The following RSU1 variants were observed in gnomAD, a reference collection of about 807,000 sequenced individuals.
RSU1 encodes the protein Ras suppressor protein 1.
Under a neutral mutation model 31.1 loss-of-function variants are expected in RSU1, and 26 were observed. The ratio of observed to expected loss-of-function variants is 0.84; its 90% confidence interval spans 0.61 to 1.16. The LOEUF is 1.16. Ranked by LOEUF, RSU1 falls within the 50% of genes most tolerant of loss-of-function variation. The pLI, the probability that RSU1 is intolerant of heterozygous loss-of-function variation, is 0.00. For synonymous variants in RSU1, 164 were observed against 136.3 expected (o/e 1.20, Z -1.41); for missense variants, 320 against 339.1 (o/e 0.94, Z 0.44).
intron 8 of RSU1, among the ~76,000 whole-genome samples, chr10:16,633,881 C>G (rs919255528): frequency 6.6e-6 from 1 of 152,174 alleles, no homozygotes; most frequent in Admixed American, 6.5e-5. Context: ...TGACCGAGAC[C>G]GATTGGACAT....
At chr10:16,810,249 A>T (rs1838381637) in intron 2 of RSU1, among the ~76,000 whole-genome samples, 1 of 152,158 alleles carries the variant, frequency 6.6e-6, no homozygotes, top group Non-Finnish European at 1.5e-5. Flanking sequence ...AAAAAATAAA[A>T]AAATAGAAAT....
chr10:16,765,738 G>A (rs752962800), intron 3 of RSU1, among the ~76,000 whole-genome samples: 4 of 152,202 alleles, frequency 2.6e-5, no homozygotes, highest in Admixed American at 6.5e-5. Context: ...GAACAGGGGC[G>A]TGGAACTCAG....
intron 8 of RSU1, among the ~76,000 whole-genome samples, chr10:16,605,568 C>T (rs1833789563): frequency 6.6e-6 from 1 of 152,150 alleles, no homozygotes; most frequent in Non-Finnish European, 1.5e-5. Flanking sequence ...AACTGTCACC[C>T]CAAAAATATG....
At chr10:16,670,403 A>G (rs1835084788) in intron 8 of RSU1, among the ~76,000 whole-genome samples, 1 of 152,214 alleles carries the variant, frequency 6.6e-6, no homozygotes, top group Admixed American at 6.5e-5. Context: ...ATACCCACAG[A>G]CATGAATTGA....
intron 2 of RSU1, among the ~76,000 whole-genome samples, chr10:16,791,754 C>A (rs1210531960): frequency 2.6e-5 from 4 of 151,944 alleles, no homozygotes; most frequent in African/African-American, 9.7e-5. Context: ...TTTTCCTCTT[C>A]TTCAGGATAA....
chr10:16,808,763 T>C (rs1044111855), intron 2 of RSU1, among the ~76,000 whole-genome samples: 1 of 152,168 alleles, frequency 6.6e-6, no homozygotes, highest in Admixed American at 6.5e-5. Flanking sequence ...TACCTCAACA[T>C]GTGACTATAT....
intron 7 of RSU1, among the ~76,000 whole-genome samples, chr10:16,719,936 T>C (rs1836221001): frequency 6.6e-6 from 1 of 152,248 alleles, no homozygotes. Context: ...GCTTTATGTA[T>C]ATAATCTCAG....
At chr10:16,717,299 T>C (rs987661513) in intron 7 of RSU1, among the ~76,000 whole-genome samples, 3 of 152,296 alleles carry the variant, frequency 2.0e-5, no homozygotes, top group African/African-American at 7.2e-5. Flanking sequence ...TGTACAAAGA[T>C]AATTAAGAAG....
chr10:16,737,724 C>T (rs1330007101), intron 7 of RSU1, among the ~76,000 whole-genome samples: 1 of 150,940 alleles, frequency 6.6e-6, no homozygotes, highest in Non-Finnish European at 1.5e-5. Flanking sequence ...CTTTTTCCTC[C>T]TCTCTAAAGT....
At chr10:16,786,957 G>T (rs986476052) in intron 2 of RSU1, among the ~76,000 whole-genome samples, 5 of 152,112 alleles carry the variant, frequency 3.3e-5, no homozygotes, top group Non-Finnish European at 5.9e-5. Context: ...GGTCCCCAGA[G>T]CCAGCTTGCT....
At chr10:16,769,948 C>T (rs191157377) in intron 3 of RSU1, among the ~76,000 whole-genome samples, 67 of 152,268 alleles carry the variant, frequency 4.4e-4, no homozygotes, top group Non-Finnish European at 1.2e-4. Flanking sequence ...TTGCTTAAGA[C>T]GGACAACTTT....
At chr10:16,597,783 C>G (rs536168225) in intron 8 of RSU1, among the ~76,000 whole-genome samples, 5 of 152,218 alleles carry the variant, frequency 3.3e-5, no homozygotes, top group African/African-American at 1.2e-4. Context: ...AGGTTTTAAT[C>G]CTTTTTGAAG....
In RSU1 at chr10:16,713,008, C is replaced by A. The variant is rs561237181; in HGVS notation, c.599-17853G>T. 1.1e-4 allele frequency among the ~76,000 whole-genome samples: 17 copies of A among 152,314 alleles called. No individual in the cohort carries two copies. In the South Asian group the frequency reaches 3.3e-3, roughly 30 times the overall value. ...ACAGTTCCTCCTCCCCACAAGCCCC[C>A]CTTCTTTCAGCACTTTGAATATATC... On this transcript the variant is annotated intron_variant, in intron 7 of 8. Transcript: ENST00000345264.
rs199756481 is a variant in RSU1 at position 16,714,761 on chromosome 10, C to T, written c.599-19606G>A. 1.3e-5 allele frequency among the ~76,000 whole-genome samples: 2 copies of T among 152,066 alleles called. 1 individual carries two copies. The highest frequency in any genetic ancestry group is 3.9e-4 in the East Asian group (2 of 5,178). On this transcript the variant is annotated intron_variant, in intron 7 of 8. Transcript: ENST00000345264. ...CCTCCAGGATGAAAAGAGTCAATTG[C>T]TACTGGTGCGCAGGGCAGGATGCAC...
chr10:16,661,295 T>C (rs1034241920), intron 8 of RSU1, among the ~76,000 whole-genome samples: 1,910 of 129,652 alleles, frequency 0.015, 55 homozygotes, highest in African/African-American at 0.065. Context: ...TGCGTGTGTG[T>C]GTGTGTGTGT....
chr10:16,746,364 T>C (rs183289529), intron 7 of RSU1, among the ~76,000 whole-genome samples: 1 of 152,212 alleles, frequency 6.6e-6, no homozygotes, highest in Non-Finnish European at 1.5e-5. Flanking sequence ...GCACTTTGTT[T>C]TGTTGCATGC....
In RSU1 at chr10:16,707,113, T is replaced by C. The variant is rs539464177; in HGVS notation, c.599-11958A>G. ...CATGGCTGAATAATATTCCATTATG[T>C]ATATATACATTTTCTGTATTCATTC... On this transcript the variant is annotated intron_variant, in intron 7 of 8. Transcript: ENST00000345264. 2.0e-5 allele frequency among the ~76,000 whole-genome samples: 3 copies of C among 152,342 alleles called. No individual in the cohort carries two copies. In the South Asian group the frequency reaches 6.2e-4, roughly 32 times the overall value.
intron 8 of RSU1, among the ~76,000 whole-genome samples, chr10:16,690,664 A>C (rs1379809487): frequency 6.6e-6 from 1 of 152,216 alleles, no homozygotes; most frequent in Non-Finnish European, 1.5e-5. Flanking sequence ...AAATCAGATC[A>C]TCCATCCTCT....
At chr10:16,595,949 C>A (rs868009708) in intron 8 of RSU1, among the ~76,000 whole-genome samples, 2 of 151,918 alleles carry the variant, frequency 1.3e-5, no homozygotes, top group Non-Finnish European at 2.9e-5. Flanking sequence ...AGCCTGGCAA[C>A]AGAGTGAGAC....
Sources: gnomAD v4.1 joint callset for allele counts (sites outside exome capture counted in the v4.1 genomes callset) on GRCh38, gnomAD v4.1.1 for gene constraint, MANE v1.5 for transcripts, NCBI Gene and HGNC (gene_info 2026-07-23, HGNC 2026-07-21) for gene names.